CARS2: variants seen among roughly 807,000 people sequenced by gnomAD.
The protein encoded by CARS2 is cysteinyl-tRNA synthetase 2, mitochondrial.
In CARS2, 52 loss-of-function variants were observed where a neutral mutation model predicts 68.8. The ratio of observed to expected loss-of-function variants is 0.76; its 90% CI spans 0.61 to 0.95. The LOEUF (loss-of-function observed/expected upper bound fraction) is 0.95, where lower values mean the gene tolerates loss of function less well. CARS2 is among the 40% of genes least tolerant of loss of function. The probability of loss-of-function intolerance (pLI) is 0.00; values close to 1 mark genes in which losing one functional copy is unlikely to be tolerated. For synonymous variants in CARS2, 314 were observed against 303.6 expected (o/e 1.03, Z -0.36); for missense variants, 780 against 754.2 (o/e 1.03, Z -0.40).
rs2062788106 is a variant in CARS2, at chr13:110,670,981, G to C, written c.786-3508C>G. On this transcript the variant is annotated intron_variant, in intron 7 of 14. Transcript: ENST00000257347. The surrounding 1 kb of genome is among the most constrained non-coding windows in gnomAD (Gnocchi z 4.1). Reference sequence around the variant, plus strand: ...GGGTATCAGTGATTGAAGATCAAATGAATGAAATGAAGCAGGAAGAGAAGT... The same window carrying C: ...GGGTATCAGTGATTGAAGATCAAATCAATGAAATGAAGCAGGAAGAGAAGT... Among the ~76,000 whole-genome samples, 1 of 152,144 alleles carries C rather than the reference G, an allele frequency of 6.6e-6. No homozygotes were observed. Among genetic ancestry groups the C allele is most frequent in the Non-Finnish European group, 1.5e-5 (1 of 68,046 alleles).
upstream of CARS2, among the ~76,000 whole-genome samples, chr13:110,710,403 A>T (rs2064017411): frequency 6.6e-6 from 1 of 152,114 alleles, no homozygotes; most frequent in South Asian, 2.1e-4. Flanking sequence ...AAAGAATTAT[A>T]TGTTCATCTC....
chr13:110,700,630 A>C (rs2063757155), intron 3 of CARS2, among the ~76,000 whole-genome samples: 1 of 152,262 alleles, frequency 6.6e-6, no homozygotes, highest in Admixed American at 6.5e-5. Flanking sequence ...AAATGTGTTA[A>C]AAAAAGCACA....
intron 2 of CARS2, among the ~76,000 whole-genome samples, chr13:110,703,721 A>C (rs570295695): frequency 8.5e-5 from 13 of 152,296 alleles, no homozygotes; most frequent in African/African-American, 3.1e-4. Context: ...CCTGGGACCC[A>C]CCTCTGAAAT....
At chr13:110,713,458 C>T (rs2064063276) in exon 1 of CARS2, 2 of 991,016 alleles carry the variant, frequency 2.0e-6, no homozygotes, top group Non-Finnish European at 2.4e-6. Flanking sequence ...TTGCGCCTCG[C>T]CCGCCGTCCA....
chr13:110,651,935 C>G (rs1213157184), intron 9 of CARS2, among the ~76,000 whole-genome samples: 1 of 152,202 alleles, frequency 6.6e-6, no homozygotes, highest in African/African-American at 2.4e-5. Context: ...ACTGTGGCCC[C>G]AAGAAAGAAA....
Position 110,668,836 on chromosome 13 carries a change from C to T in CARS2, c.786-1363G>A, listed in dbSNP as rs2062724130. ...ATCAGAGAAGGCTCAGAAGGAACAA[C>T]AATAATGGTCTCTTCATTATTTAAT... On this transcript the variant is annotated intron_variant, in intron 7 of 14. Transcript: ENST00000257347. This position sits in a 1 kb window ranked among gnomAD's most constrained non-coding sequence, Gnocchi z 4.1. Among the ~76,000 whole-genome samples, 1 of 152,198 alleles carries T rather than the reference C, an allele frequency of 6.6e-6. No individual in the cohort carries two copies. Among genetic ancestry groups the T allele is most frequent in the African/African-American group, 2.4e-5 (1 of 41,440 alleles).
In CARS2 at chr13:110,690,627, A is replaced by G. The variant is rs536917519; in HGVS notation, c.394-2609T>C. On this transcript the variant is annotated intron_variant, in intron 3 of 14. Coordinates refer to ENST00000257347, the MANE Select transcript of CARS2 (RefSeq NM_024537.4). ...TCCCGATGCACATCCCATCCTCACCACTACAAACACAACTGTGCACAGGTC... is the reference window on the plus strand; with the variant it reads ...TCCCGATGCACATCCCATCCTCACCGCTACAAACACAACTGTGCACAGGTC... 4.5e-3 allele frequency among the ~76,000 whole-genome samples: 692 copies of G among 152,186 alleles called. 3 individuals are homozygous for G. Among genetic ancestry groups the G allele is most frequent in the Non-Finnish European group, 7.0e-3 (479 of 68,006 alleles).
Position 110,705,479 on chromosome 13 carries a change from A to G in CARS2, c.275+42T>C. ...ATCAGCAAAAGGCTTTCAAAAATAA[A>G]TGGTCCTTTGAAGTATGAAAATTCA... is the stretch of plus-strand genomic sequence containing the variant. On this transcript the variant is annotated intron_variant, in intron 2 of 14. Transcript: ENST00000257347. The surrounding 1 kb of genome is among the most constrained non-coding windows in gnomAD (Gnocchi z 4.0). 7 of 1,434,832 alleles carry G rather than the reference A, an allele frequency of 4.9e-6. No homozygotes were observed. Among genetic ancestry groups the G allele is most frequent in the Non-Finnish European group, 6.7e-6 (7 of 1,048,216 alleles). 88.9% of individuals were successfully genotyped at this position (1,434,832 alleles called of 1,614,324 possible).
intron 11 of CARS2, chr13:110,646,479 G>A (rs1465291902): frequency 5.9e-6 from 1 of 170,680 alleles, no homozygotes; most frequent in African/African-American, 2.4e-5. Flanking sequence ...CCGGATCTCA[G>A]CCTCCCGTGG....
chr13:110,663,859 T>C, intron 8 of CARS2: 1 of 1,069,548 alleles, frequency 9.3e-7, no homozygotes, highest in Non-Finnish European at 1.1e-6. Context: ...AGATACTGAA[T>C]TCAGATACTG....
chr13:110,657,445 C>T (rs1162011484), intron 9 of CARS2, among the ~76,000 whole-genome samples: 1 of 152,156 alleles, frequency 6.6e-6, no homozygotes, highest in East Asian at 1.9e-4. Context: ...TGCAGGAGGG[C>T]ACAACAGAGG....
chr13:110,700,435 C>T (rs544403013), intron 3 of CARS2, among the ~76,000 whole-genome samples: 2 of 152,264 alleles, frequency 1.3e-5, no homozygotes, highest in South Asian at 2.1e-4. Flanking sequence ...TGAAGGCACG[C>T]GTGGCGTGTG....
intron 3 of CARS2, among the ~76,000 whole-genome samples, chr13:110,694,948 G>C (rs928529922): frequency 1.3e-5 from 2 of 152,070 alleles, no homozygotes; most frequent in African/African-American, 4.8e-5. Flanking sequence ...TGTATCCTAG[G>C]GTTCTGCATC....
At chr13:110,706,141 G>A (rs3818496), upstream of CARS2, 886,522 of 1,246,642 alleles carry the variant, frequency 0.71, 322,244 homozygotes, top group Non-Finnish European at 0.74. Context: ...GCCACGCCGG[G>A]TACGCTGCCG....
chr13:110,685,466 C>G (rs547032816), intron 5 of CARS2, among the ~76,000 whole-genome samples: 3 of 152,334 alleles, frequency 2.0e-5, no homozygotes, highest in African/African-American at 7.2e-5. Flanking sequence ...ACAGGAACGT[C>G]CAGGGCAGTG....
At chr13:110,681,031 G>A (rs949270680) in intron 6 of CARS2, among the ~76,000 whole-genome samples, 4 of 152,166 alleles carry the variant, frequency 2.6e-5, no homozygotes, top group Admixed American at 6.5e-5. Context: ...GGTGACCGCA[G>A]GGTCTCCACT....
chr13:110,664,469 T>G (rs916383358), intron 8 of CARS2: 1 of 432,214 alleles, frequency 2.3e-6, no homozygotes, highest in Non-Finnish European at 3.1e-6. Flanking sequence ...GTGAGCTATG[T>G]TCATGTCACT....
chr13:110,694,239 T>C (rs971905336), intron 3 of CARS2, among the ~76,000 whole-genome samples: 4 of 151,476 alleles, frequency 2.6e-5, no homozygotes, highest in Non-Finnish European at 5.9e-5. Context: ...GTGGTTAGGC[T>C]GGTCTCAAAC....
rs1399718020 is a variant in CARS2, at chr13:110,644,454, C to T, written c.1347G>A (p.Val449=). ...KEPEGPRSPA[V]FGAIISYFEQ... ...CAAAGTAAGAGATGATGGCACCAAA[C>T]ACAGCAGGACTTCTCGGCCCTTCAG... Residue 449 remains valine, a synonymous_variant, in exon 13 of 15, where the codon GTG becomes GTA. Coordinates refer to ENST00000257347, the MANE Select transcript of CARS2 (RefSeq NM_024537.4). 18 of 1,613,970 alleles carry T rather than the reference C, an allele frequency of 1.1e-5. No individual in the cohort carries two copies. The highest frequency in any genetic ancestry group is 1.5e-5 in the Non-Finnish European group (18 of 1,180,034).
Sources: gnomAD v4.1 joint callset for allele counts (sites outside exome capture counted in the v4.1 genomes callset) on GRCh38, gnomAD v4.1.1 for gene constraint, Gnocchi (gnomAD v3.1) non-coding constraint, MANE v1.5 for transcripts, NCBI Gene and HGNC (gene_info 2026-07-23, HGNC 2026-07-21) for gene names.